Variants in RAD51B observed in about 807,000 individuals in gnomAD.
The protein encoded by RAD51B is DNA repair protein RAD51 homolog 2.
Under a neutral mutation model 42.2 loss-of-function variants are expected in RAD51B, and 38 were observed. The ratio of observed to expected loss-of-function variants is 0.90; its 90% CI spans 0.70 to 1.18. The LOEUF is 1.18. RAD51B is among the 50% of genes most tolerant of loss of function. The pLI is 0.00. For synonymous variants in RAD51B, 154 were observed against 145.2 expected, an observed-to-expected ratio of 1.06 and a Z score of -0.43; for missense variants, 373 against 400.7, an observed-to-expected ratio of 0.93 and a Z score of 0.59.
intron 7 of RAD51B, among the ~76,000 whole-genome samples, chr14:68,006,617 G>C (rs1170708134): frequency 6.6e-6 from 1 of 151,834 alleles, no homozygotes; most frequent in African/African-American, 2.4e-5. Context: ...GGAAATCCTT[G>C]CATTTCATTA....
chr14:68,044,620 T>C (rs572878914), intron 7 of RAD51B, among the ~76,000 whole-genome samples: 55 of 152,278 alleles, frequency 3.6e-4, no homozygotes, highest in African/African-American at 1.3e-3. Flanking sequence ...TAATAAAAAT[T>C]TATGTTTTTC....
intron 10 of RAD51B, among the ~76,000 whole-genome samples, chr14:68,620,587 C>T (rs1454392587): frequency 6.6e-6 from 1 of 152,224 alleles, no homozygotes; most frequent in Admixed American, 6.5e-5. Context: ...CTATACCTGA[C>T]ATTTTTTACT....
chr14:68,499,514 G>A lies in RAD51B; in HGVS notation c.1036+31264G>A, dbSNP rs78290909. ...GTTAGTGGATGCAGTAGGTTAAATG[G>A]TGGCTCCCAAAAAGATACGTCCATG... On this transcript the variant is annotated intron_variant, in intron 10 of 10. Coordinates refer to the RAD51B transcript ENST00000487270. Among the ~76,000 whole-genome samples the A allele has an allele frequency of 4.2e-3, 643 of 152,250 alleles. 8 individuals carry two copies. Among genetic ancestry groups the A allele is most frequent in the African/African-American group, 0.015 (607 of 41,548 alleles).
At chr14:67,888,073 A>G (rs753382985) in intron 7 of RAD51B, among the ~76,000 whole-genome samples, 2 of 152,182 alleles carry the variant, frequency 1.3e-5, no homozygotes, top group East Asian at 1.9e-4. Context: ...TGCAACATAA[A>G]GAATATGTAT....
At chr14:68,380,219 G>A (rs1314198793) in intron 8 of RAD51B, among the ~76,000 whole-genome samples, 1 of 152,192 alleles carries the variant, frequency 6.6e-6, no homozygotes, top group Non-Finnish European at 1.5e-5. Flanking sequence ...TGACCAATGA[G>A]GAGCTTACTT....
At chr14:68,485,700 C>T (rs939745488) in intron 10 of RAD51B, among the ~76,000 whole-genome samples, 2 of 152,214 alleles carry the variant, frequency 1.3e-5, no homozygotes, top group African/African-American at 4.8e-5. Flanking sequence ...CAGCCCCCAC[C>T]CTCAGGTCTT....
In RAD51B at chr14:67,825,470, T is replaced by C. The variant is rs114131734; in HGVS notation, c.91T>C (p.Leu31=). The stretch of plus-strand genomic sequence containing the variant: ...TCTCTTTATGTTTCTTTAGGACTTT[T>C]TATGTCTTTCCCCACTGGAGCTTAT... The part of the protein sequence containing the change: ...RHQILTCQDF[L]CLSPLELMKV... Residue 31 remains leucine, a synonymous_variant, in exon 3 of 11, where the codon TTA becomes CTA. Coordinates refer to ENST00000471583, the MANE Select transcript of RAD51B (RefSeq NM_133510.4). 3,297 of 1,608,320 alleles carry C rather than the reference T, an allele frequency of 2.0e-3. 69 individuals are homozygous for C. The African/African-American group carries it at 0.037, about 18-fold the overall frequency.
intron 7 of RAD51B, among the ~76,000 whole-genome samples, chr14:68,231,155 T>C (rs1277292959): frequency 6.6e-6 from 1 of 152,240 alleles, no homozygotes; most frequent in East Asian, 1.9e-4. Flanking sequence ...AAAAGGAGGA[T>C]GACACATTGA....
At chr14:68,668,018 G>A (rs541898265) in intron 11 of RAD51B, among the ~76,000 whole-genome samples, 36 of 152,096 alleles carry the variant, frequency 2.4e-4, no homozygotes, top group Admixed American at 7.2e-4. Context: ...CCCTGGCCTG[G>A]GTCTGCTGGG....
At chr14:68,439,008 C>T (rs1447550276) in intron 9 of RAD51B, among the ~76,000 whole-genome samples, 1 of 152,170 alleles carries the variant, frequency 6.6e-6, no homozygotes, top group Non-Finnish European at 1.5e-5. Context: ...CTCAGATCCG[C>T]TCCCTGCCCT....
intron 9 of RAD51B, among the ~76,000 whole-genome samples, chr14:68,447,224 AAATAAT>A (rs1228779873): frequency 2.0e-5 from 3 of 152,098 alleles, no homozygotes; most frequent in African/African-American, 7.2e-5. Context: ...ATCTCAATAA[AAATAAT>A]AATAATAATA....
chr14:68,673,495 T>C (rs561613268), intron 11 of RAD51B, among the ~76,000 whole-genome samples: 2 of 148,010 alleles, frequency 1.4e-5, no homozygotes, highest in South Asian at 4.3e-4. Context: ...GCACATACTG[T>C]ACACACATGT....
At chr14:68,103,310 TATC>T (rs1375522431) in intron 7 of RAD51B, among the ~76,000 whole-genome samples, 30 of 152,302 alleles carry the variant, frequency 2.0e-4, no homozygotes, top group African/African-American at 6.7e-4. Flanking sequence ...CCTCAGGAGT[TATC>T]ATAATAGTTT....
intron 8 of RAD51B, among the ~76,000 whole-genome samples, chr14:68,383,449 T>G (rs1001089056): frequency 6.6e-5 from 10 of 152,138 alleles, no homozygotes; most frequent in African/African-American, 2.2e-4. Context: ...GTGCTGAGGT[T>G]GAGAAGCCAT....
intron 7 of RAD51B, among the ~76,000 whole-genome samples, chr14:68,275,804 A>ACACG (rs1341498696): frequency 1.2e-5 from 1 of 82,142 alleles, no homozygotes; most frequent in East Asian, 2.2e-4. Context: ...CCACACACAC[A>ACACG]CACACACACA....
chr14:68,031,510 C>T (rs1595287832), intron 7 of RAD51B, among the ~76,000 whole-genome samples: 1 of 152,194 alleles, frequency 6.6e-6, no homozygotes, highest in South Asian at 2.1e-4. Flanking sequence ...AACAAAAACA[C>T]ATGAAGTTGG....
At chr14:68,418,284 A>G (rs1014849977) in intron 9 of RAD51B, among the ~76,000 whole-genome samples, 1 of 152,232 alleles carries the variant, frequency 6.6e-6, no homozygotes, top group Admixed American at 6.5e-5. Context: ...ATTTCTTTTT[A>G]TGGCAGACTT....
intron 10 of RAD51B, among the ~76,000 whole-genome samples, chr14:68,494,664 C>A (rs1427275494): frequency 5.9e-5 from 9 of 152,048 alleles, no homozygotes; most frequent in African/African-American, 2.2e-4. Context: ...TTGTTTTCAT[C>A]TCCAATTCCT....
chr14:68,515,448 T>A (rs995915083), intron 10 of RAD51B, among the ~76,000 whole-genome samples: 2 of 139,796 alleles, frequency 1.4e-5, no homozygotes, highest in African/African-American at 6.2e-5. Flanking sequence ...TTCTTCTTTT[T>A]TTTTTTTTTT....
Sources: allele counts gnomAD v4.1 joint callset (sites outside exome capture counted in the v4.1 genomes callset), GRCh38; gene constraint gnomAD v4.1.1; transcripts MANE v1.5; gene names NCBI Gene and HGNC (gene_info 2026-07-23, HGNC 2026-07-21).